Variants in EPB41L4A observed in about 807,000 individuals in gnomAD.
The protein encoded by EPB41L4A is erythrocyte membrane protein band 4.1 like 4A.
A neutral mutation model predicts 108.6 loss-of-function variants in EPB41L4A; 100 were observed. The ratio of observed to expected loss-of-function variants is 0.92; its 90% CI spans 0.78 to 1.09. EPB41L4A has a LOEUF of 1.09. Ranked by LOEUF, EPB41L4A falls within the 50% of genes least tolerant of loss-of-function variation. The pLI, the probability that EPB41L4A is intolerant of heterozygous loss-of-function variation, is 0.00. For missense variants in EPB41L4A, 1,030 were observed against 842.7 expected (o/e 1.22, Z -2.75); for synonymous variants, 319 against 289.0 (o/e 1.10, Z -1.05).
chr5:112,373,782 G>C (rs1213513909), intron 1 of EPB41L4A, among the ~76,000 whole-genome samples: 1 of 152,164 alleles, frequency 6.6e-6, no homozygotes, highest in African/African-American at 2.4e-5. Context: ...AACAACTGCA[G>C]TCAACATCAG....
intron 9 of EPB41L4A, among the ~76,000 whole-genome samples, chr5:112,244,631 G>GTA (rs1750076701): frequency 6.6e-6 from 1 of 152,174 alleles, no homozygotes; most frequent in African/African-American, 2.4e-5. Context: ...TGCGGGGAAG[G>GTA]CTGGTCACCC....
chr5:112,329,319 T>C (rs1580697441), intron 1 of EPB41L4A, among the ~76,000 whole-genome samples: 4 of 152,362 alleles, frequency 2.6e-5, no homozygotes, highest in African/African-American at 9.6e-5. Flanking sequence ...GTTCTTATCA[T>C]ATTTTACTGA....
At chr5:112,268,419 A>G (rs560250969) in intron 4 of EPB41L4A, among the ~76,000 whole-genome samples, 2 of 152,176 alleles carry the variant, frequency 1.3e-5, no homozygotes, top group South Asian at 4.2e-4. Flanking sequence ...CAAAAGAGAC[A>G]ACTGTGAGAA....
At chr5:112,168,575 T>C (rs1580355705) in intron 22 of EPB41L4A, among the ~76,000 whole-genome samples, 164 bp downstream of exon 22, 1 of 152,212 alleles carries the variant, frequency 6.6e-6, no homozygotes, top group Non-Finnish European at 1.5e-5. Context: ...ATCATGCACT[T>C]TTCCTTCCAT....
At chr5:112,188,551 T>G (rs1761535616) in intron 17 of EPB41L4A, among the ~76,000 whole-genome samples, 1 of 152,202 alleles carries the variant, frequency 6.6e-6, no homozygotes, top group South Asian at 2.1e-4. Context: ...TCTGCCAACC[T>G]TGATTATACT....
intron 1 of EPB41L4A, among the ~76,000 whole-genome samples, chr5:112,314,955 T>A (rs1755338617): frequency 6.6e-6 from 1 of 152,026 alleles, no homozygotes; most frequent in Non-Finnish European, 1.5e-5. Flanking sequence ...ATAAATAAAT[T>A]AAAATTTTGT....
intron 1 of EPB41L4A, among the ~76,000 whole-genome samples, chr5:112,364,757 A>G (rs1367581423): frequency 1.3e-5 from 2 of 152,252 alleles, no homozygotes; most frequent in Non-Finnish European, 2.9e-5. Context: ...AGTACTGCAA[A>G]TAAGTTTACA....
chr5:112,382,469 T>C (rs1448720551), intron 1 of EPB41L4A, among the ~76,000 whole-genome samples: 1 of 152,196 alleles, frequency 6.6e-6, no homozygotes, highest in East Asian at 1.9e-4. Context: ...TGGTAAATCC[T>C]GCATGTGTGA....
chr5:112,376,075 G>C (rs1207593286), intron 1 of EPB41L4A, among the ~76,000 whole-genome samples: 1 of 152,150 alleles, frequency 6.6e-6, no homozygotes, highest in African/African-American at 2.4e-5. Flanking sequence ...AAAACCCTAG[G>C]AAGAGGATTA....
At chr5:112,179,492 G>C (rs1761038663) in intron 18 of EPB41L4A, among the ~76,000 whole-genome samples, 1 of 151,956 alleles carries the variant, frequency 6.6e-6, no homozygotes, top group Non-Finnish European at 1.5e-5. Flanking sequence ...TGACCACAAG[G>C]GGCTTATGCT....
In EPB41L4A at chr5:112,170,385, C is replaced by T. The variant is rs372573590; in HGVS notation, c.1671-16G>A. 6.7e-5 allele frequency: 101 copies of T among 1,510,544 alleles called. No homozygotes were observed. The highest frequency in any genetic ancestry group is 8.4e-5 in the Non-Finnish European group (91 of 1,088,342). 93.6% of individuals were successfully genotyped at this position (1,510,544 alleles called of 1,614,324 possible). Reference sequence around the variant, plus strand: ...AAGTTCTTTTCTGTAAAGGAATATGCAAGAAAATGATAGTTGTGGTGCTGG... The same window carrying T: ...AAGTTCTTTTCTGTAAAGGAATATGTAAGAAAATGATAGTTGTGGTGCTGG... On this transcript the variant is annotated splice_polypyrimidine_tract_variant and intron_variant, in intron 19 of 22. Coordinates refer to ENST00000261486, the MANE Select transcript of EPB41L4A (RefSeq NM_022140.5).
At position 112,164,845 on chromosome 5, in the gene EPB41L4A, AAAAG is replaced by A. The variant is rs1389778114; in HGVS notation, c.*141_*144del. ...TGATAACATCTCAAAAAAAAAAAAA[AAAAG>A]AAGCAAAAGATAATGTATTTTCTCA... On this transcript the variant is annotated 3_prime_UTR_variant, in exon 23 of 23. Transcript: ENST00000261486. 2.4e-5 allele frequency: 23 copies of A among 976,168 alleles called. No individual in the cohort carries two copies. The highest frequency in any genetic ancestry group is 6.9e-5 in the African/African-American group (4 of 57,782). 60.5% of individuals were successfully genotyped at this position (976,168 alleles called of 1,614,324 possible).
At chr5:112,250,555 C>T (rs1440396144) in intron 9 of EPB41L4A, 1 of 152,154 alleles carries the variant, frequency 6.6e-6, no homozygotes, top group East Asian at 1.9e-4. Context: ...TAAACATTAT[C>T]AATCCTGTTA....
At chr5:112,298,346 T>G (rs1359692772) in intron 2 of EPB41L4A, among the ~76,000 whole-genome samples, 1 of 152,180 alleles carries the variant, frequency 6.6e-6, no homozygotes, top group Non-Finnish European at 1.5e-5. Context: ...TTTATTACAT[T>G]GAGGTATGTC....
At chr5:112,166,203 C>T (rs191525070) in intron 22 of EPB41L4A, among the ~76,000 whole-genome samples, 69 of 152,358 alleles carry the variant, frequency 4.5e-4, no homozygotes, top group African/African-American at 1.6e-3. Flanking sequence ...AGGTGTAAGG[C>T]AGGTCACTGC....
intron 1 of EPB41L4A, among the ~76,000 whole-genome samples, chr5:112,359,142 T>C (rs1758551332): frequency 6.6e-6 from 1 of 152,232 alleles, no homozygotes; most frequent in Admixed American, 6.5e-5. Flanking sequence ...TAAAAACTCA[T>C]TCAGCTATGT....
intron 12 of EPB41L4A, among the ~76,000 whole-genome samples, chr5:112,151,394 A>G (rs1210559160): frequency 1.3e-5 from 2 of 149,378 alleles, no homozygotes; most frequent in Admixed American, 6.7e-5. Flanking sequence ...ATTTATATAT[A>G]TTTGTATATT....
At chr5:112,292,483 T>C (rs891982493) in intron 2 of EPB41L4A, among the ~76,000 whole-genome samples, 2 of 152,098 alleles carry the variant, frequency 1.3e-5, no homozygotes, top group Non-Finnish European at 2.9e-5. Context: ...GAAGGGAAAG[T>C]AGGTAACTCC....
intron 20 of EPB41L4A, 25 bp from the exon 21 acceptor site, chr5:112,169,130 AAAACAAACAC>A (rs764062685): frequency 1.3e-6 from 2 of 1,511,374 alleles, no homozygotes; most frequent in South Asian, 1.1e-5. Flanking sequence ...AAGAAACATG[AAAACAAACAC>A]CCAAAGTCAG....
Sources: gnomAD v4.1 joint callset for allele counts (sites outside exome capture counted in the v4.1 genomes callset) on GRCh38, gnomAD v4.1.1 for gene constraint, MANE v1.5 for transcripts, NCBI Gene and HGNC (gene_info 2026-07-23, HGNC 2026-07-21) for gene names.